KLHL1: variants seen among roughly 807,000 people sequenced by gnomAD.
KLHL1 encodes kelch like family member 1, also known as kelch-like protein 1.
A neutral mutation model predicts 77.7 loss-of-function variants in KLHL1; 47 were observed. The ratio of observed to expected loss-of-function variants is 0.60; its 90% CI spans 0.48 to 0.77. KLHL1 has a LOEUF of 0.77. Among genes scored for constraint, KLHL1 ranks in the 30% least tolerant of loss-of-function variants. The pLI, the probability that KLHL1 is intolerant of heterozygous loss-of-function variation, is 0.00. For synonymous variants in KLHL1, 360 were observed against 325.2 expected (o/e 1.11, Z -1.15); for missense variants, 925 against 910.8 (o/e 1.02, Z -0.20).
At chr13:70,103,085 C>T (rs548710126) in intron 1 of KLHL1, among the ~76,000 whole-genome samples, 6 of 152,138 alleles carry the variant, frequency 3.9e-5, no homozygotes, top group African/African-American at 1.4e-4. Context: ...GAATTTGTTT[C>T]GGTGATGAAG....
chr13:69,705,744 G>A (rs951981694), intron 10 of KLHL1, among the ~76,000 whole-genome samples: 5 of 151,546 alleles, frequency 3.3e-5, no homozygotes, highest in African/African-American at 1.2e-4. Context: ...TATTTTAAAT[G>A]CCACTTTGCT....
intron 2 of KLHL1, among the ~76,000 whole-genome samples, chr13:69,961,904 T>C (rs1884076758): frequency 6.6e-6 from 1 of 151,994 alleles, no homozygotes; most frequent in South Asian, 2.1e-4. Context: ...ATAAGGCAAA[T>C]CCCTTTCTTT....
chr13:69,700,787 A>G lies in KLHL1; in HGVS notation c.*915T>C, dbSNP rs535209805. 1 of 152,468 alleles carries G rather than the reference A, an allele frequency of 6.6e-6. No individual in the cohort carries two copies. Among genetic ancestry groups the G allele is most frequent in the East Asian group, 1.9e-4 (1 of 5,180 alleles). The allele number at this position is 152,468 out of a possible 1,614,324, so 9.4% of individuals were successfully genotyped here. The stretch of plus-strand genomic sequence containing the variant: ...GAAGTCTGCCTTCTTTCTAGCAATA[A>G]TCATAAACACTCCAACTTAATGGAT... On this transcript the variant is annotated 3_prime_UTR_variant, in exon 11 of 11. Transcript: ENST00000377844.
At chr13:69,954,459 C>T (rs1230519803) in intron 3 of KLHL1, among the ~76,000 whole-genome samples, 1 of 151,102 alleles carries the variant, frequency 6.6e-6, no homozygotes, top group East Asian at 1.9e-4. Flanking sequence ...AAAATGAAAA[C>T]AATTATAAGA....
intron 5 of KLHL1, among the ~76,000 whole-genome samples, chr13:69,875,658 T>G (rs915834719): frequency 2.6e-5 from 4 of 152,126 alleles, no homozygotes; most frequent in Non-Finnish European, 5.9e-5. Flanking sequence ...GACTTAAAGC[T>G]TGCTAACAAA....
At chr13:69,920,181 TAA>T (rs1215667149) in intron 4 of KLHL1, among the ~76,000 whole-genome samples, 1 of 152,128 alleles carries the variant, frequency 6.6e-6, no homozygotes, top group Non-Finnish European at 1.5e-5. Context: ...GAGTTTTTTT[TAA>T]AGAGTTCTGG....
intron 4 of KLHL1, among the ~76,000 whole-genome samples, chr13:69,939,320 C>CAT (rs1566424474): frequency 9.2e-6 from 1 of 109,224 alleles, no homozygotes; most frequent in Non-Finnish European, 1.8e-5. Context: ...TATACACACT[C>CAT]ATATATATAC....
chr13:69,818,823 G>C (rs369266520), intron 6 of KLHL1, among the ~76,000 whole-genome samples: 5 of 152,278 alleles, frequency 3.3e-5, no homozygotes, highest in African/African-American at 1.2e-4. Flanking sequence ...CAAAGTGACT[G>C]AATGTAGTCA....
chr13:69,940,357 A>T, intron 3 of KLHL1, 121 bp from the exon 4 acceptor site: 1 of 654,364 alleles, frequency 1.5e-6, no homozygotes, highest in Non-Finnish European at 2.4e-6. Context: ...ATTGGTAATC[A>T]AGATAAATAT....
At chr13:69,856,330 G>A (rs1322396037) in intron 5 of KLHL1, among the ~76,000 whole-genome samples, 1 of 151,906 alleles carries the variant, frequency 6.6e-6, no homozygotes, top group Non-Finnish European at 1.5e-5. Context: ...GGTGTCACTT[G>A]GTCCTCTTCA....
chr13:69,820,471 T>G (rs1878290392), intron 6 of KLHL1, among the ~76,000 whole-genome samples: 1 of 152,232 alleles, frequency 6.6e-6, no homozygotes, highest in East Asian at 1.9e-4. Context: ...TTACTCTCTG[T>G]CTCCTAGTGA....
At chr13:70,025,668 A>G (rs921843782) in intron 1 of KLHL1, among the ~76,000 whole-genome samples, 7 of 151,426 alleles carry the variant, frequency 4.6e-5, no homozygotes, top group Admixed American at 2.0e-4. Context: ...TGTGGCTTTC[A>G]CAAACTATTT....
chr13:69,712,698 T>C (rs2137881958), intron 9 of KLHL1, among the ~76,000 whole-genome samples: 1 of 150,444 alleles, frequency 6.6e-6, no homozygotes, highest in African/African-American at 2.4e-5. Flanking sequence ...ACAATCAAAC[T>C]ACATGAAACA....
intron 1 of KLHL1, among the ~76,000 whole-genome samples, chr13:69,978,675 C>G (rs138570916): frequency 6.6e-6 from 1 of 151,708 alleles, no homozygotes; most frequent in African/African-American, 2.4e-5. Context: ...TTAGTGGAGA[C>G]GGGGTTTCAC....
chr13:69,737,673 T>C lies in KLHL1; in HGVS notation c.1802+2721A>G, dbSNP rs1873819123. On this transcript the variant is annotated intron_variant, in intron 8 of 10. Coordinates refer to ENST00000377844, the MANE Select transcript of KLHL1 (RefSeq NM_020866.3). The stretch of plus-strand genomic sequence containing the variant: ...AGGACCCTGATCCACTCCTGCTCAC[T>C]AGAGGGGGCCTCCCCATGGGAATTT... Among the ~76,000 whole-genome samples the C allele has an allele frequency of 2.0e-5, 3 of 152,230 alleles. No individual in the cohort carries two copies. The South Asian group carries it at 6.2e-4, about 32-fold the overall frequency.
intron 3 of KLHL1, among the ~76,000 whole-genome samples, chr13:69,950,526 C>T (rs58269684): frequency 0.14 from 20,918 of 151,372 alleles, 2,378 homozygotes; most frequent in African/African-American, 0.29. Flanking sequence ...TAACCTAAAA[C>T]AGCATGTCAT....
rs551529714 is a variant in KLHL1, at chr13:70,038,805, G to T, written c.498-63003C>A. On this transcript the variant is annotated intron_variant, in intron 1 of 10. Coordinates refer to ENST00000377844, the MANE Select transcript of KLHL1 (RefSeq NM_020866.3). The stretch of plus-strand genomic sequence containing the variant: ...AGGGTTTCACCACGTTGGCCAGGCT[G>T]GTCTCAAACTCCTGACCTCAGGTGA... 1.4e-3 allele frequency among the ~76,000 whole-genome samples: 215 copies of T among 151,910 alleles called. 1 individual carries two copies. Among genetic ancestry groups the T allele is most frequent in the African/African-American group, 4.6e-3 (190 of 41,462 alleles).
intron 1 of KLHL1, among the ~76,000 whole-genome samples, chr13:69,992,496 A>C (rs889920303): frequency 1.3e-5 from 2 of 152,056 alleles, no homozygotes; most frequent in African/African-American, 4.8e-5. Flanking sequence ...TGCCTTAGCT[A>C]GACTTAGAGT....
At chr13:69,948,702 T>G (rs1883608363) in intron 3 of KLHL1, among the ~76,000 whole-genome samples, 1 of 152,030 alleles carries the variant, frequency 6.6e-6, no homozygotes, top group Admixed American at 6.6e-5. Flanking sequence ...GTGAAGTTTA[T>G]AGAAGAATAT....
Sources: allele counts gnomAD v4.1 joint callset (sites outside exome capture counted in the v4.1 genomes callset), GRCh38; gene constraint gnomAD v4.1.1; transcripts MANE v1.5; gene names NCBI Gene and HGNC (gene_info 2026-07-23, HGNC 2026-07-21).